Variants in PKHD1 observed in about 807,000 individuals in gnomAD.
The protein encoded by PKHD1 is fibrocystin.
PKHD1 carries 291 observed loss-of-function variants against 412.0 expected under a neutral mutation model. The observed-to-expected ratio is 0.71, with a 90% confidence interval of 0.64 to 0.78. PKHD1 has a LOEUF of 0.78. Ranked by LOEUF, PKHD1 falls within the 30% of genes least tolerant of loss-of-function variation. The pLI is 0.00. For synonymous variants in PKHD1, 1,777 were observed against 1,821.5 expected, an observed-to-expected ratio of 0.98 and a Z score of 0.62; for missense variants, 4,825 against 4,950.7, an observed-to-expected ratio of 0.97 and a Z score of 0.76.
At chr6:51,650,895 T>G (rs1010711947) in intron 61 of PKHD1, among the ~76,000 whole-genome samples, 1 of 152,164 alleles carries the variant, frequency 6.6e-6, no homozygotes, top group Non-Finnish European at 1.5e-5. Flanking sequence ...AAACCAGATT[T>G]TTTAAATCCA....
At chr6:51,860,100 C>A (rs1773950321) in intron 48 of PKHD1, among the ~76,000 whole-genome samples, 1 of 152,234 alleles carries the variant, frequency 6.6e-6, no homozygotes, top group African/African-American at 2.4e-5. Flanking sequence ...CACTCATGTG[C>A]AGCACCAGCT....
rs1806229705 is a variant in PKHD1, at chr6:52,048,526, G to T, written c.2373C>A (p.His791Gln). ...RQRTSPPLGGHFRIQLPNTVI... is the reference protein window; with the variant it reads ...RQRTSPPLGGQFRIQLPNTVI... Reference sequence around the variant, plus strand: ...CTGTATTAGGAAGCTGGATGCGAAAGTGTCCTCCTAGAGGTGGACTTGTCC... The same window carrying T: ...CTGTATTAGGAAGCTGGATGCGAAATTGTCCTCCTAGAGGTGGACTTGTCC... Residue 791 changes from histidine to glutamine, a missense_variant, in exon 23 of 67, where the codon CAC (histidine) becomes CAA (glutamine). Transcript: ENST00000371117. 6.2e-7 allele frequency: 1 copy of T among 1,614,030 alleles called. No homozygotes were observed. The highest frequency in any genetic ancestry group is 2.2e-5 in the East Asian group (1 of 44,876).
intron 60 of PKHD1, among the ~76,000 whole-genome samples, chr6:51,695,221 C>G (rs1236038305): frequency 1.3e-5 from 2 of 152,142 alleles, no homozygotes; most frequent in Non-Finnish European, 2.9e-5. Flanking sequence ...ATTGAAAACA[C>G]TCATCTTGTT....
intron 9 of PKHD1, 22 bp from the exon 10 acceptor site, chr6:52,070,467 A>T (rs368394393): frequency 1.3e-6 from 2 of 1,595,394 alleles, no homozygotes; most frequent in Non-Finnish European, 8.6e-7. Flanking sequence ...AGAAACACAC[A>T]TTAACTCAGG....
At chr6:51,788,473 C>G (rs921836308) in intron 53 of PKHD1, among the ~76,000 whole-genome samples, 1 of 148,980 alleles carries the variant, frequency 6.7e-6, no homozygotes, top group African/African-American at 2.6e-5. Flanking sequence ...CGGATGTGGC[C>G]AAATGGTAGC....
At chr6:51,991,137 T>C (rs1796995268) in intron 35 of PKHD1, among the ~76,000 whole-genome samples, 1 of 152,240 alleles carries the variant, frequency 6.6e-6, no homozygotes, top group African/African-American at 2.4e-5. Context: ...ACTGCCACTT[T>C]TTCTACCACT....
chr6:51,766,768 T>C (rs1789116765), intron 55 of PKHD1, among the ~76,000 whole-genome samples: 1 of 151,944 alleles, frequency 6.6e-6, no homozygotes, highest in Admixed American at 6.6e-5. Flanking sequence ...TTAGGAAATA[T>C]ACCTAATGCT....
At chr6:51,732,168 A>G (rs766301123) in intron 60 of PKHD1, among the ~76,000 whole-genome samples, 23 of 152,198 alleles carry the variant, frequency 1.5e-4, no homozygotes, top group Non-Finnish European at 2.8e-4. Context: ...TAAGATACTA[A>G]GTCACACTGG....
chr6:51,939,153 G>T (rs1186201850), intron 36 of PKHD1, among the ~76,000 whole-genome samples: 1 of 151,186 alleles, frequency 6.6e-6, no homozygotes, highest in Non-Finnish European at 1.5e-5. Context: ...TTTCTGGGGG[G>T]CAAGGACCCC....
At chr6:52,074,842 G>T (rs1010960807) in intron 6 of PKHD1, among the ~76,000 whole-genome samples, 1 of 152,164 alleles carries the variant, frequency 6.6e-6, no homozygotes, top group Non-Finnish European at 1.5e-5. Context: ...AGATGCAGTC[G>T]TATGGATCCT....
intron 60 of PKHD1, among the ~76,000 whole-genome samples, chr6:51,714,122 A>C (rs1780970939): frequency 6.6e-6 from 1 of 152,214 alleles, no homozygotes; most frequent in Admixed American, 6.5e-5. Flanking sequence ...CTGTAATCCC[A>C]GCACTTTGGG....
chr6:52,057,603 G>A lies in PKHD1; in HGVS notation c.1513-624C>T, dbSNP rs963147518. 3.9e-5 allele frequency among the ~76,000 whole-genome samples: 6 copies of A among 152,290 alleles called. No individual in the cohort carries two copies. The East Asian group carries it at 9.6e-4, about 24-fold the overall frequency. On this transcript the variant is annotated intron_variant, in intron 16 of 66. Transcript: ENST00000371117. Reference sequence around the variant, plus strand: ...AGCTAATTTTTGTATTTTTAGTAGAGATGGGGTTTCATCATGTTGGCCAGG... The same window carrying A: ...AGCTAATTTTTGTATTTTTAGTAGAAATGGGGTTTCATCATGTTGGCCAGG...
chr6:51,902,185 C>T (rs1035474899), intron 43 of PKHD1, among the ~76,000 whole-genome samples: 2 of 152,148 alleles, frequency 1.3e-5, no homozygotes, highest in African/African-American at 4.8e-5. Context: ...GAAAAGTACA[C>T]AAAAACATGG....
At position 52,024,967 on chromosome 6, in the gene PKHD1, T is replaced by C; in HGVS notation, c.4843A>G (p.Thr1615Ala). 8 of 1,614,226 alleles carry C rather than the reference T, an allele frequency of 5.0e-6. No individual in the cohort carries two copies. Among genetic ancestry groups the C allele is most frequent in the Non-Finnish European group, 6.8e-6 (8 of 1,180,042 alleles). ...ATGAGCTCAGCACCGATGTTCACCG[T>C]CAGGCAGGTCTGCTGGTCAATATAG... ...SVYIDQQTCL[T>A]VNIGAELIRC... Residue 1615 changes from threonine to alanine, a missense_variant, in exon 32 of 67, where the codon ACG becomes GCG. Transcript: ENST00000371117.
intron 36 of PKHD1, among the ~76,000 whole-genome samples, chr6:51,950,220 A>AAAAAAAATATATAGGTATAT: frequency 1.0e-5 from 1 of 98,328 alleles, no homozygotes; most frequent in South Asian, 4.1e-4. Context: ...GAAAAAAAAA[A>AAAAAAAATATATAGGTATAT]ATATATATAT....
chr6:51,647,904 G>C (rs1770326888), intron 63 of PKHD1, 127 bp downstream of exon 63: 1 of 707,226 alleles, frequency 1.4e-6, no homozygotes, highest in Admixed American at 2.0e-5. Flanking sequence ...GGATGAAGGA[G>C]TTTCTTCCCA....
At chr6:51,700,932 T>A (rs1407167195) in intron 60 of PKHD1, among the ~76,000 whole-genome samples, 1 of 152,148 alleles carries the variant, frequency 6.6e-6, no homozygotes, top group Non-Finnish European at 1.5e-5. Flanking sequence ...ACATAACTGA[T>A]GGTTCTAAAC....
intron 52 of PKHD1, among the ~76,000 whole-genome samples, chr6:51,795,626 C>T (rs1233940590): frequency 6.6e-6 from 1 of 152,212 alleles, no homozygotes; most frequent in African/African-American, 2.4e-5. Flanking sequence ...GGGAGTGCTT[C>T]TGGCTTTTGC....
chr6:51,959,283 G>T lies in PKHD1; in HGVS notation c.5908+587C>A, dbSNP rs577529740. Among the ~76,000 whole-genome samples the T allele has an allele frequency of 1.1e-4, 17 of 152,204 alleles. No individual in the cohort carries two copies. In the South Asian group the frequency reaches 3.1e-3, roughly 28 times the overall value. ...CCATGATTTTTATTCTCATTTAGCA[G>T]ATAAGGAAAGAAATGCACAAAGAGG... On this transcript the variant is annotated intron_variant, in intron 36 of 66. Coordinates refer to ENST00000371117, the MANE Select transcript of PKHD1 (RefSeq NM_138694.4).
Sources: allele counts gnomAD v4.1 joint callset (sites outside exome capture counted in the v4.1 genomes callset), GRCh38; gene constraint gnomAD v4.1.1; transcripts MANE v1.5; gene names NCBI Gene and HGNC (gene_info 2026-07-23, HGNC 2026-07-21).